Variants in SGCD observed in about 807,000 individuals in gnomAD.
SGCD encodes sarcoglycan delta, also known as delta-sarcoglycan.
SGCD carries 18 observed loss-of-function variants against 36.6 expected under a neutral mutation model. The observed-to-expected ratio is 0.49, with a 90% CI of 0.34 to 0.73. The LOEUF is 0.73. SGCD is among the 30% of genes least tolerant of loss of function. The pLI is 0.01. For missense variants in SGCD, 387 were observed against 346.7 expected, an observed-to-expected ratio of 1.12 and a Z score of -0.92; for synonymous variants, 133 against 130.6, an observed-to-expected ratio of 1.02 and a Z score of -0.12.
At chr5:156,520,627 C>G (rs1253662645) in intron 4 of SGCD, among the ~76,000 whole-genome samples, 1 of 152,152 alleles carries the variant, frequency 6.6e-6, no homozygotes, top group Non-Finnish European at 1.5e-5. Flanking sequence ...TGCGACCCAA[C>G]TTCAAACTAT....
At chr5:155,800,330 AT>A in the SGCD span, among the ~76,000 whole-genome samples, 1 of 151,906 alleles carries the variant, frequency 6.6e-6, no homozygotes, top group African/African-American at 2.4e-5. Context: ...GGTTTGGCGT[AT>A]TTTTTCCAAG....
At chr5:155,732,711 T>C in the SGCD span, among the ~76,000 whole-genome samples, 3 of 152,174 alleles carry the variant, frequency 2.0e-5, no homozygotes, top group Admixed American at 6.5e-5. Flanking sequence ...AATCAAAACC[T>C]TGGGGCAGAG....
At chr5:156,024,541 G>A (rs1759182857) in intron 1 of SGCD, among the ~76,000 whole-genome samples, 2 of 151,914 alleles carry the variant, frequency 1.3e-5, no homozygotes, top group Admixed American at 1.3e-4. Context: ...GACTATATTA[G>A]CTTGTTTAAT....
chr5:156,096,341 G>A (rs1761375440), intron 1 of SGCD, among the ~76,000 whole-genome samples: 1 of 152,222 alleles, frequency 6.6e-6, no homozygotes, highest in African/African-American at 2.4e-5. Flanking sequence ...GAAATGTGGT[G>A]GAAGGAAAGT....
intron 1 of SGCD, among the ~76,000 whole-genome samples, chr5:156,029,902 A>C (rs1303503935): frequency 6.6e-6 from 1 of 152,054 alleles, no homozygotes; most frequent in Non-Finnish European, 1.5e-5. Flanking sequence ...TCTGTCTCCA[A>C]ATCCTGTCTA....
intron 1 of SGCD, among the ~76,000 whole-genome samples, chr5:156,009,883 G>C (rs1016023546): frequency 6.6e-6 from 1 of 152,182 alleles, no homozygotes; most frequent in African/African-American, 2.4e-5. Flanking sequence ...GCATCCTCAG[G>C]CTTCTCTAAA....
intron 3 of SGCD, among the ~76,000 whole-genome samples, chr5:156,176,972 C>T (rs1763489021): frequency 6.6e-6 from 1 of 152,086 alleles, no homozygotes; most frequent in African/African-American, 2.4e-5. Flanking sequence ...AGCTCTAAAA[C>T]AAACAAAAAC....
At chr5:156,604,907 T>A (rs1276285910) in intron 6 of SGCD, among the ~76,000 whole-genome samples, 2 of 151,050 alleles carry the variant, frequency 1.3e-5, no homozygotes, top group Non-Finnish European at 3.0e-5. Flanking sequence ...TCTTAACCAC[T>A]AATTTTAGTT....
At chr5:155,820,454 A>G in the SGCD span, among the ~76,000 whole-genome samples, 1 of 152,036 alleles carries the variant, frequency 6.6e-6, no homozygotes, top group Admixed American at 6.6e-5. Context: ...GAGCTCTGGA[A>G]TTCGAGACTA....
intron 1 of SGCD, among the ~76,000 whole-genome samples, chr5:156,072,162 A>G (rs1561706428): frequency 6.7e-6 from 1 of 149,266 alleles, no homozygotes; most frequent in African/African-American, 2.6e-5. Flanking sequence ...TGTGAATTTG[A>G]TCCTGTCATT....
intron 2 of SGCD, among the ~76,000 whole-genome samples, chr5:156,330,016 C>CAAAAAA (rs758475764): frequency 8.7e-5 from 5 of 57,540 alleles, no homozygotes; most frequent in Non-Finnish European, 9.8e-5. Context: ...GATTCAGTCT[C>CAAAAAA]AAAAAAAAAA....
intron 2 of SGCD, among the ~76,000 whole-genome samples, chr5:156,330,429 C>A (rs1033218200): frequency 6.6e-6 from 1 of 152,106 alleles, no homozygotes; most frequent in African/African-American, 2.4e-5. Context: ...CTCAGGTTTC[C>A]TATCTGTAAG....
chr5:156,261,516 G>A (rs1442673149), intron 3 of SGCD, among the ~76,000 whole-genome samples: 2 of 152,178 alleles, frequency 1.3e-5, no homozygotes. Context: ...TTGTGGGAAT[G>A]CTGGTATGAG....
At chr5:155,897,434 T>C (rs1205651591) in intron 1 of SGCD, among the ~76,000 whole-genome samples, 2 of 152,238 alleles carry the variant, frequency 1.3e-5, no homozygotes, top group Non-Finnish European at 2.9e-5. Context: ...CTTCAGACTT[T>C]ATAAACACTG....
At chr5:156,369,816 G>GA (rs1214854829) in intron 3 of SGCD, among the ~76,000 whole-genome samples, 1 of 152,108 alleles carries the variant, frequency 6.6e-6, no homozygotes, top group Non-Finnish European at 1.5e-5. Context: ...ATTGATGTGG[G>GA]AAAAAATGTC....
intron 4 of SGCD, among the ~76,000 whole-genome samples, chr5:156,530,915 C>T (rs1003025176): frequency 6.6e-6 from 1 of 152,140 alleles, no homozygotes; most frequent in Non-Finnish European, 1.5e-5. Flanking sequence ...AAAGAGCCTA[C>T]TAAATAACAA....
intron 3 of SGCD, among the ~76,000 whole-genome samples, chr5:156,137,066 G>T (rs1762477853): frequency 6.6e-6 from 1 of 152,158 alleles, no homozygotes; most frequent in African/African-American, 2.4e-5. Flanking sequence ...CTTCTCCATT[G>T]CTACTCATTA....
At chr5:155,813,849 T>C in the SGCD span, among the ~76,000 whole-genome samples, 1 of 152,208 alleles carries the variant, frequency 6.6e-6, no homozygotes, top group African/African-American at 2.4e-5. Context: ...GACTGAAATC[T>C]TTCCTCTCCT....
chr5:156,241,865 T>G (rs143067016), intron 3 of SGCD, among the ~76,000 whole-genome samples: 1 of 152,254 alleles, frequency 6.6e-6, no homozygotes, highest in Non-Finnish European at 1.5e-5. Context: ...CTATTCTGTC[T>G]TAAAATCTAG....
Sources: allele counts gnomAD v4.1 joint callset (sites outside exome capture counted in the v4.1 genomes callset), GRCh38; gene constraint gnomAD v4.1.1; transcripts MANE v1.5; gene names NCBI Gene and HGNC (gene_info 2026-07-23, HGNC 2026-07-21).